NCKAP5: variants seen among roughly 807,000 people sequenced by gnomAD.
The protein encoded by NCKAP5 is nck-associated protein 5.
In NCKAP5, 92 loss-of-function variants were observed where a neutral mutation model predicts 167.0. The observed-to-expected ratio is 0.55, with a 90% CI of 0.47 to 0.66. The LOEUF is 0.66. Among genes scored for constraint, NCKAP5 ranks in the 30% least tolerant of loss-of-function variants. The pLI is 0.00. For missense variants in NCKAP5, 2,378 were observed against 2,315.0 expected (o/e 1.03, Z -0.56); for synonymous variants, 891 against 877.4 (o/e 1.02, Z -0.27).
rs368416068 is a variant in NCKAP5, at chr2:133,552,489, G to T, written c.-62+6561C>A. On this transcript the variant is annotated intron_variant, in intron 2 of 19. Transcript: ENST00000409261. ...AAATCATCATTCTCAGTAAACTATC[G>T]CAAGAACAAAAAACCAAACACCGCA... is the stretch of plus-strand genomic sequence containing the variant. Among the ~76,000 whole-genome samples the T allele has an allele frequency of 1.4e-4, 20 of 144,052 alleles. 1 individual carries two copies. In the East Asian group the frequency reaches 1.6e-3, roughly 11 times the overall value. 94.5% of individuals were successfully genotyped at this position (144,052 alleles called of 152,430 possible). A position where few individuals can be genotyped will look rare whatever the true frequency, so the allele number is the denominator to read the frequency against.
chr2:133,585,172 A>G, the NCKAP5 span, among the ~76,000 whole-genome samples: 1 of 152,238 alleles, frequency 6.6e-6, no homozygotes, highest in Non-Finnish European at 1.5e-5. Context: ...AATGAGGGCA[A>G]AATAATTTGT....
the NCKAP5 span, among the ~76,000 whole-genome samples, chr2:133,628,198 A>G: frequency 6.6e-6 from 1 of 152,210 alleles, no homozygotes; most frequent in Non-Finnish European, 1.5e-5. Flanking sequence ...AGAGGAAGTC[A>G]AACTGTCTCT....
chr2:132,822,933 T>A (rs982823135), intron 11 of NCKAP5, among the ~76,000 whole-genome samples: 1 of 152,104 alleles, frequency 6.6e-6, no homozygotes, highest in African/African-American at 2.4e-5. Context: ...AACAATAGAC[T>A]AGGATAAGTA....
intron 3 of NCKAP5, among the ~76,000 whole-genome samples, chr2:133,390,106 A>G (rs1267954175): frequency 1.3e-5 from 2 of 152,242 alleles, no homozygotes; most frequent in Non-Finnish European, 2.9e-5. Context: ...GCAAACAAAC[A>G]GGAAAATAAA....
At chr2:132,733,611 T>G (rs1452196085) in intron 16 of NCKAP5, among the ~76,000 whole-genome samples, 1 of 152,198 alleles carries the variant, frequency 6.6e-6, no homozygotes, top group Non-Finnish European at 1.5e-5. Context: ...GCACAAAGTA[T>G]TTAGTATATT....
intron 6 of NCKAP5, among the ~76,000 whole-genome samples, chr2:133,107,347 A>C (rs2149703028): frequency 6.6e-6 from 1 of 152,356 alleles, no homozygotes; most frequent in South Asian, 2.1e-4. Context: ...TTTGCATAAA[A>C]GCTGTATTAC....
intron 2 of NCKAP5, among the ~76,000 whole-genome samples, chr2:133,532,720 C>T (rs1685462365): frequency 6.6e-6 from 1 of 152,150 alleles, no homozygotes; most frequent in African/African-American, 2.4e-5. Context: ...TGCCTGCCTG[C>T]CACCCAGAAT....
intron 4 of NCKAP5, among the ~76,000 whole-genome samples, chr2:133,220,726 G>A (rs2086625662): frequency 1.3e-5 from 2 of 152,134 alleles, no homozygotes; most frequent in Admixed American, 6.5e-5. Context: ...TTGCAGAGGA[G>A]GAATATATTC....
chr2:133,614,212 C>A, the NCKAP5 span, among the ~76,000 whole-genome samples: 1 of 152,124 alleles, frequency 6.6e-6, no homozygotes, highest in African/African-American at 2.4e-5. Context: ...TGGTCTGGGG[C>A]AAGTTCTCAG....
chr2:132,732,143 A>G (rs1691083912), intron 16 of NCKAP5, 92 bp from the exon 17 acceptor site: 6 of 1,212,894 alleles, frequency 4.9e-6, no homozygotes, highest in Non-Finnish European at 6.8e-6. Flanking sequence ...TCTGGAGGAA[A>G]GGAGACACCT....
intron 2 of NCKAP5, among the ~76,000 whole-genome samples, chr2:133,547,138 T>C (rs1686775824): frequency 6.6e-6 from 1 of 151,992 alleles, no homozygotes; most frequent in South Asian, 2.1e-4. Context: ...GAAAATTGGG[T>C]CACTCCCACC....
At chr2:132,745,440 C>G (rs1679557427) in intron 16 of NCKAP5, among the ~76,000 whole-genome samples, 2 of 151,346 alleles carry the variant, frequency 1.3e-5, no homozygotes, top group African/African-American at 4.8e-5. Flanking sequence ...AGAGAACTTT[C>G]TCACTCTGTA....
At chr2:133,323,581 C>A (rs1164370377) in intron 3 of NCKAP5, among the ~76,000 whole-genome samples, 2 of 152,234 alleles carry the variant, frequency 1.3e-5, no homozygotes, top group Non-Finnish European at 2.9e-5. Context: ...TACAAAATCC[C>A]TGCCCTTCAG....
intron 16 of NCKAP5, among the ~76,000 whole-genome samples, chr2:132,773,078 CTAAA>C (rs1452436088): frequency 2.0e-5 from 3 of 152,188 alleles, no homozygotes; most frequent in Non-Finnish European, 2.9e-5. Flanking sequence ...TTGTGTCGAG[CTAAA>C]TAGTCAGCAC....
At chr2:133,528,722 G>T (rs192180406) in intron 2 of NCKAP5, among the ~76,000 whole-genome samples, 8 of 152,268 alleles carry the variant, frequency 5.3e-5, no homozygotes, top group Non-Finnish European at 1.2e-4. Context: ...CATGATTCTC[G>T]TGTTACCCTT....
chr2:133,630,411 T>C, the NCKAP5 span, among the ~76,000 whole-genome samples: 1 of 152,154 alleles, frequency 6.6e-6, no homozygotes, highest in Non-Finnish European at 1.5e-5. Flanking sequence ...CACGTATCTG[T>C]GAACACACTG....
chr2:133,246,610 A>G (rs2088007087), intron 4 of NCKAP5, among the ~76,000 whole-genome samples: 1 of 152,220 alleles, frequency 6.6e-6, no homozygotes, highest in Non-Finnish European at 1.5e-5. Context: ...ATTTTGTGAA[A>G]TAGCATTGTT....
the NCKAP5 span, among the ~76,000 whole-genome samples, chr2:133,620,713 C>A: frequency 1.4e-4 from 22 of 152,060 alleles, no homozygotes; most frequent in African/African-American, 5.3e-4. Flanking sequence ...GACAGGTCAT[C>A]AAGATGGAAA....
chr2:133,188,500 C>T (rs1331659087), intron 5 of NCKAP5, among the ~76,000 whole-genome samples: 2 of 152,040 alleles, frequency 1.3e-5, no homozygotes, highest in Non-Finnish European at 2.9e-5. Flanking sequence ...AACACCATAT[C>T]GCACTTATTC....
Sources: gnomAD v4.1 joint callset for allele counts (sites outside exome capture counted in the v4.1 genomes callset) on GRCh38, gnomAD v4.1.1 for gene constraint, MANE v1.5 for transcripts, NCBI Gene and HGNC (gene_info 2026-07-23, HGNC 2026-07-21) for gene names.